Variants in OCA2 observed in about 807,000 individuals in gnomAD.
OCA2 encodes the protein P protein.
A neutral mutation model predicts 100.2 loss-of-function variants in OCA2; 77 were observed. The observed-to-expected ratio is 0.77, with a 90% CI of 0.64 to 0.93. The LOEUF (loss-of-function observed/expected upper bound fraction) is 0.93. Among genes scored for constraint, OCA2 ranks in the 40% least tolerant of loss-of-function variants. OCA2 has a pLI of 0.00. For missense variants in OCA2, 1,062 were observed against 1,089.1 expected (o/e 0.98, Z 0.35); for synonymous variants, 432 against 439.2 (o/e 0.98, Z 0.21).
In OCA2 at chr15:27,791,658, G is replaced by A. The variant is rs376415378; in HGVS notation, c.2433-36186C>T. Among the ~76,000 whole-genome samples, 265 of 152,286 alleles carry A rather than the reference G, an allele frequency of 1.7e-3. 3 individuals are homozygous for A. The highest frequency in any genetic ancestry group is 0.011 in the South Asian group (52 of 4,816). On this transcript the variant is annotated intron_variant, in intron 23 of 23. Transcript: ENST00000354638. ...AATTTTACTGCATGTATAATAAGAC[G>A]CAAAATATAAACTCTTTAAATTTTG...
At chr15:27,995,718 A>G (rs2041703084) in intron 9 of OCA2, among the ~76,000 whole-genome samples, 1 of 152,182 alleles carries the variant, frequency 6.6e-6, no homozygotes, top group South Asian at 2.1e-4. Context: ...TGTAAATAAT[A>G]TCAAGTATAT....
chr15:27,997,297 G>A (rs2041781836), intron 9 of OCA2, among the ~76,000 whole-genome samples: 1 of 152,180 alleles, frequency 6.6e-6, no homozygotes, highest in South Asian at 2.1e-4. Context: ...TATCCCTGAT[G>A]AACTTAGATG....
chr15:27,860,771 A>G (rs1464617601), intron 21 of OCA2, among the ~76,000 whole-genome samples: 4 of 152,164 alleles, frequency 2.6e-5, no homozygotes, highest in Non-Finnish European at 5.9e-5. Context: ...GCAAGGGCAC[A>G]TGTCTTTTTG....
Position 27,951,885 on chromosome 15 carries a change from A to G in OCA2, c.1850T>C (p.Ile617Thr), listed in dbSNP as rs775588367. 1.8e-5 allele frequency: 29 copies of G among 1,610,544 alleles called. No individual in the cohort carries two copies. Among genetic ancestry groups the G allele is most frequent in the Middle Eastern group, 3.3e-4 (2 of 6,060 alleles). The change falls in exon 18 of 24, where the codon ATA becomes ACA. Residue 617 changes from isoleucine to threonine, a missense_variant. Ile to Thr is a moderately conservative substitution (Grantham distance 89, BLOSUM62 -1). Coordinates refer to ENST00000354638, the MANE Select transcript of OCA2 (RefSeq NM_000275.3). ...TTTGGCGAGCAGAATCCCGTCAGAT[A>G]TCCTATGCTGTAAGAGAGAAACCAC... ...NIQELQKKHR[I>T]SDGILLAKCL...
intron 14 of OCA2, among the ~76,000 whole-genome samples, chr15:27,979,709 T>G (rs1230533752): frequency 6.6e-6 from 1 of 151,584 alleles, no homozygotes; most frequent in Non-Finnish European, 1.5e-5. Context: ...ATACTTTTTT[T>G]TTTTTTTTGA....
At chr15:27,878,779 A>G (rs893282777) in intron 19 of OCA2, among the ~76,000 whole-genome samples, 2 of 152,130 alleles carry the variant, frequency 1.3e-5, no homozygotes, top group African/African-American at 2.4e-5. Flanking sequence ...TACCTCTTCA[A>G]ATATCTTTTT....
chr15:27,970,455 C>CGCCCCA (rs1213279641), intron 14 of OCA2, among the ~76,000 whole-genome samples: 1 of 152,092 alleles, frequency 6.6e-6, no homozygotes, highest in Non-Finnish European at 1.5e-5. Flanking sequence ...ATGGCAGGAA[C>CGCCCCA]GCAGGAAAAA....
At position 27,825,583 on chromosome 15, in the gene OCA2, C is replaced by T. The variant is rs540331064; in HGVS notation, c.2432+19376G>A. ...TGATGGTGTGGGTCACAGGCTACTG[C>T]GGACTTGACCGTGAGCAGAGTCCAG... On this transcript the variant is annotated intron_variant, in intron 23 of 23. Coordinates refer to ENST00000354638, the MANE Select transcript of OCA2 (RefSeq NM_000275.3). Among the ~76,000 whole-genome samples, 25 of 152,252 alleles carry T rather than the reference C, an allele frequency of 1.6e-4. 1 individual carries two copies. The South Asian group carries it at 2.9e-3, about 18-fold the overall frequency.
chr15:27,955,348 G>A lies in OCA2; in HGVS notation c.1785-133C>T, dbSNP rs115954921. ...AGCCTGGCTGGCAGGACTAGTCATG[G>A]GGGGCCGGTGGGGCTTCATTTGTTG... On this transcript the variant is annotated intron_variant, in intron 16 of 23. Transcript: ENST00000354638. The A allele has an allele frequency of 2.2e-3, 1,610 of 735,356 alleles. 23 individuals are homozygous for A. In the African/African-American group the frequency reaches 0.024, roughly 11 times the overall value. The allele number at this position is 735,356 out of a possible 1,614,324, so 45.6% of individuals were successfully genotyped here.
At chr15:27,992,118 T>C (rs1239660341) in intron 9 of OCA2, among the ~76,000 whole-genome samples, 1 of 141,950 alleles carries the variant, frequency 7.0e-6, no homozygotes, top group African/African-American at 2.5e-5. Flanking sequence ...TTTTTTTTTT[T>C]GAGACGGAGT....
At chr15:27,851,522 G>A in intron 21 of OCA2, 47 bp from the exon 22 acceptor site, 6 of 1,469,190 alleles carry the variant, frequency 4.1e-6, no homozygotes, top group Non-Finnish European at 5.7e-6. Flanking sequence ...GACGCTCAGA[G>A]AAGCTGCCAT....
At chr15:27,727,555 G>A in the OCA2 span, among the ~76,000 whole-genome samples, 18 of 152,182 alleles carry the variant, frequency 1.2e-4, no homozygotes, top group African/African-American at 4.3e-4. Flanking sequence ...GTCCTACAAG[G>A]TAACATCGGC....
At chr15:28,039,760 C>T (rs1186308883) in intron 2 of OCA2, among the ~76,000 whole-genome samples, 2 of 152,136 alleles carry the variant, frequency 1.3e-5, no homozygotes, top group Non-Finnish European at 2.9e-5. Flanking sequence ...TTTGGCCAGG[C>T]GCGGTGGCTC....
chr15:27,946,353 T>A (rs1444221886), intron 18 of OCA2, among the ~76,000 whole-genome samples: 2 of 152,206 alleles, frequency 1.3e-5, no homozygotes, highest in African/African-American at 2.4e-5. Context: ...AGCGAAAACC[T>A]AACTTAATAG....
chr15:27,826,788 C>T (rs2034741560), intron 23 of OCA2, among the ~76,000 whole-genome samples: 1 of 152,244 alleles, frequency 6.6e-6, no homozygotes, highest in Non-Finnish European at 1.5e-5. Flanking sequence ...TGCATGATGC[C>T]TGAGGCACAC....
intron 9 of OCA2, among the ~76,000 whole-genome samples, chr15:28,011,624 GA>G (rs987799831): frequency 1.3e-5 from 2 of 151,822 alleles, no homozygotes; most frequent in African/African-American, 4.8e-5. Context: ...ATCTATAACA[GA>G]AAAAAACTGG....
chr15:28,087,586 A>G (rs2141946324), intron 1 of OCA2, among the ~76,000 whole-genome samples: 1 of 152,198 alleles, frequency 6.6e-6, no homozygotes, highest in East Asian at 1.9e-4. Context: ...TCTCTATTAA[A>G]AACACAAAAA....
rs1331106434 is a variant in OCA2, at chr15:27,932,604, A to C, written c.1952-6350T>G. On this transcript the variant is annotated intron_variant, in intron 18 of 23. Transcript: ENST00000354638. ...TCAGCTTGTGCTGATGCCTAGTCTC[A>C]GTGCAAGCCTGGCTAAGTTTTGAAG... 2.0e-5 allele frequency among the ~76,000 whole-genome samples: 3 copies of C among 152,210 alleles called. No individual in the cohort carries two copies. In the East Asian group the frequency reaches 5.8e-4, roughly 29 times the overall value.
At chr15:27,757,971 T>C (rs532957740) in intron 23 of OCA2, among the ~76,000 whole-genome samples, 1 of 152,286 alleles carries the variant, frequency 6.6e-6, no homozygotes, top group South Asian at 2.1e-4. Context: ...TACTCTCAAA[T>C]TAAAGATGAT....
Sources: allele counts gnomAD v4.1 joint callset (sites outside exome capture counted in the v4.1 genomes callset), GRCh38; gene constraint gnomAD v4.1.1; transcripts MANE v1.5; gene names NCBI Gene and HGNC (gene_info 2026-07-23, HGNC 2026-07-21).